Variants in SUGCT observed in about 807,000 individuals in gnomAD.
SUGCT encodes succinyl-CoA:glutarate-CoA transferase.
A neutral mutation model predicts 55.0 loss-of-function variants in SUGCT; 41 were observed. The observed-to-expected ratio is 0.74, with a 90% CI of 0.58 to 0.97. The LOEUF is 0.97. SUGCT is among the 50% of genes least tolerant of loss of function. The pLI, the probability that SUGCT is intolerant of heterozygous loss-of-function variation, is 0.00. For missense variants in SUGCT, 568 were observed against 547.8 expected, an observed-to-expected ratio of 1.04 and a Z score of -0.37; for synonymous variants, 187 against 200.4, an observed-to-expected ratio of 0.93 and a Z score of 0.56.
chr7:40,312,363 C>G (rs1006479705), intron 8 of SUGCT, among the ~76,000 whole-genome samples: 6 of 152,078 alleles, frequency 3.9e-5, no homozygotes, highest in Admixed American at 3.9e-4. Flanking sequence ...TTCTGTGTTC[C>G]TTTTTGTATC....
intron 11 of SUGCT, among the ~76,000 whole-genome samples, chr7:40,488,803 G>A (rs1047171052): frequency 3.2e-4 from 49 of 152,146 alleles, no homozygotes; most frequent in Non-Finnish European, 1.3e-4. Flanking sequence ...CTCCTGACCT[G>A]TAAATGTTTC....
chr7:40,282,890 G>A (rs191589336), intron 8 of SUGCT, among the ~76,000 whole-genome samples: 49 of 151,984 alleles, frequency 3.2e-4, no homozygotes, highest in African/African-American at 1.1e-3. Context: ...TAAATAATAT[G>A]GATTAGAGAC....
chr7:40,550,247 T>C (rs1795230739), intron 12 of SUGCT, among the ~76,000 whole-genome samples: 1 of 152,226 alleles, frequency 6.6e-6, no homozygotes, highest in African/African-American at 2.4e-5. Flanking sequence ...GTCCTCTTCC[T>C]TTTATGGGAT....
the SUGCT span, among the ~76,000 whole-genome samples, chr7:40,949,140 C>T: frequency 0.055 from 8,343 of 152,114 alleles, 236 homozygotes; most frequent in South Asian, 0.075. Flanking sequence ...TTTTAGTGAT[C>T]GCCATTCTAA....
At chr7:40,640,590 C>T (rs137898174) in intron 12 of SUGCT, among the ~76,000 whole-genome samples, 110 of 152,268 alleles carry the variant, frequency 7.2e-4, no homozygotes, top group Non-Finnish European at 1.5e-3. Flanking sequence ...CAGCTAGTAA[C>T]GATGTTTCCT....
intron 13 of SUGCT, among the ~76,000 whole-genome samples, chr7:40,768,240 T>G (rs769767325): frequency 2.0e-5 from 3 of 152,080 alleles, no homozygotes. Context: ...TCACTACCTA[T>G]TTCTTAGAAC....
chr7:40,570,126 G>T (rs955486355), intron 12 of SUGCT, among the ~76,000 whole-genome samples: 1 of 152,152 alleles, frequency 6.6e-6, no homozygotes, highest in Admixed American at 6.5e-5. Flanking sequence ...AACTTTTTTA[G>T]TTACCTGAAG....
intron 13 of SUGCT, among the ~76,000 whole-genome samples, chr7:40,811,400 A>G (rs1165018889): frequency 6.6e-6 from 1 of 152,146 alleles, no homozygotes; most frequent in Non-Finnish European, 1.5e-5. Context: ...ATCCGTGAGT[A>G]TGGAATATTT....
chr7:40,401,109 G>T (rs1013215980), intron 9 of SUGCT, among the ~76,000 whole-genome samples: 10 of 152,054 alleles, frequency 6.6e-5, no homozygotes, highest in Non-Finnish European at 1.5e-4. Flanking sequence ...AGGATAACTG[G>T]TTTGATTCTT....
chr7:40,870,666 G>A, the SUGCT span, among the ~76,000 whole-genome samples: 1 of 152,120 alleles, frequency 6.6e-6, no homozygotes, highest in Non-Finnish European at 1.5e-5. Context: ...ACGAATTTTA[G>A]CATCTGTCTG....
chr7:40,537,894 T>C (rs781430290), intron 12 of SUGCT, among the ~76,000 whole-genome samples: 77 of 152,316 alleles, frequency 5.1e-4, no homozygotes, highest in Non-Finnish European at 8.4e-4. Flanking sequence ...GAGAAAATAA[T>C]GTATATATGT....
At chr7:40,422,078 C>A (rs1787338826) in intron 9 of SUGCT, among the ~76,000 whole-genome samples, 1 of 149,034 alleles carries the variant, frequency 6.7e-6, no homozygotes, top group African/African-American at 2.5e-5. Flanking sequence ...ACTGTTTGTA[C>A]CTTTTTTTTT....
the SUGCT span, among the ~76,000 whole-genome samples, chr7:40,897,030 C>G: frequency 6.6e-6 from 1 of 152,158 alleles, no homozygotes; most frequent in Non-Finnish European, 1.5e-5. Flanking sequence ...GTGGAACAGA[C>G]TAGAGAGCCC....
the SUGCT span, among the ~76,000 whole-genome samples, chr7:40,986,759 A>G: frequency 6.6e-6 from 1 of 152,182 alleles, no homozygotes; most frequent in Non-Finnish European, 1.5e-5. Context: ...TAGGAAATCT[A>G]TCAGCACTGT....
intron 12 of SUGCT, among the ~76,000 whole-genome samples, chr7:40,625,495 TCTC>T (rs1799485727): frequency 1.3e-5 from 2 of 152,006 alleles, no homozygotes; most frequent in African/African-American, 4.8e-5. Context: ...TCCTCTTCCT[TCTC>T]CTCCTCTTTC....
chr7:40,865,693 G>C (rs746080214), downstream of SUGCT, among the ~76,000 whole-genome samples: 1 of 152,116 alleles, frequency 6.6e-6, no homozygotes, highest in Non-Finnish European at 1.5e-5. Flanking sequence ...CAGTGTGATC[G>C]GGGACTGTTC....
At chr7:40,746,259 G>C (rs1021491664) in intron 12 of SUGCT, among the ~76,000 whole-genome samples, 10 of 152,290 alleles carry the variant, frequency 6.6e-5, no homozygotes, top group African/African-American at 2.2e-4. Context: ...CCACAAACAA[G>C]GCTGGAGAGT....
intron 12 of SUGCT, among the ~76,000 whole-genome samples, chr7:40,595,526 T>C (rs981144107): frequency 6.6e-6 from 1 of 152,170 alleles, no homozygotes; most frequent in Admixed American, 6.5e-5. Flanking sequence ...CTCACATTGT[T>C]TCTGGGACAG....
At chr7:40,862,007 A>G (rs1406466789), downstream of SUGCT, among the ~76,000 whole-genome samples, 1 of 152,216 alleles carries the variant, frequency 6.6e-6, no homozygotes, top group Non-Finnish European at 1.5e-5. Context: ...AAAATGGTAA[A>G]AGATTAGATG....
Sources: allele counts gnomAD v4.1 joint callset (sites outside exome capture counted in the v4.1 genomes callset), GRCh38; gene constraint gnomAD v4.1.1; transcripts MANE v1.5; gene names NCBI Gene and HGNC (gene_info 2026-07-23, HGNC 2026-07-21).